The following KCNH5 variants were observed in gnomAD, a reference collection of about 807,000 sequenced individuals.
The protein encoded by KCNH5 is potassium voltage-gated channel subfamily H member 5.
A neutral mutation model predicts 96.1 loss-of-function variants in KCNH5; 46 were observed. The ratio of observed to expected loss-of-function variants is 0.48; its 90% CI spans 0.38 to 0.61. KCNH5 has a LOEUF of 0.61. Among genes scored for constraint, KCNH5 ranks in the 20% least tolerant of loss-of-function variants. KCNH5 has a pLI of 0.00. For missense variants in KCNH5, 907 were observed against 1,225.8 expected, an observed-to-expected ratio of 0.74 and a Z score of 3.88; for synonymous variants, 439 against 449.8, an observed-to-expected ratio of 0.98 and a Z score of 0.30.
In KCNH5 at chr14:62,713,109, T is replaced by C. The variant is rs117357925; in HGVS notation, c.2020-4654A>G. Among the ~76,000 whole-genome samples the C allele has an allele frequency of 4.0e-5, 6 of 151,396 alleles. No homozygotes were observed. The East Asian group carries it at 1.2e-3, about 30-fold the overall frequency. On this transcript the variant is annotated intron_variant, in intron 10 of 10. Transcript: ENST00000322893. ...CTATATCTCTAGTGTCTGTAACATT[T>C]GTAACATTTGTAATAAACAAATGTT...
intron 10 of KCNH5, among the ~76,000 whole-genome samples, chr14:62,752,972 C>T: frequency 6.6e-6 from 1 of 152,108 alleles, no homozygotes; most frequent in East Asian, 1.9e-4. Context: ...TGAAAACAGA[C>T]TAATACAATG....
In KCNH5 at chr14:62,808,752, T is replaced by TA. The variant is rs1886818369; in HGVS notation, c.1570-6172dup. On this transcript the variant is annotated intron_variant, in intron 8 of 10. Transcript: ENST00000322893. ...GTTATTAATAATTATAATTGTTATG[T>TA]AAAACTGTGTATGCCACAGAAGTAA... is the stretch of plus-strand genomic sequence containing the variant. 2.0e-5 allele frequency among the ~76,000 whole-genome samples: 3 copies of TA among 152,260 alleles called. No individual in the cohort carries two copies. The South Asian group carries it at 6.2e-4, about 32-fold the overall frequency.
chr14:62,956,222 A>T (rs1594644415), intron 6 of KCNH5, among the ~76,000 whole-genome samples: 1 of 152,192 alleles, frequency 6.6e-6, no homozygotes, highest in African/African-American at 2.4e-5. Context: ...TTTGCCCCCA[A>T]ACATCATGTT....
intron 8 of KCNH5, among the ~76,000 whole-genome samples, chr14:62,821,033 AC>A (rs1887104080): frequency 6.6e-6 from 1 of 151,618 alleles, no homozygotes; most frequent in Non-Finnish European, 1.5e-5. Flanking sequence ...TCTCTCCACA[AC>A]CTCACCAGCA....
At chr14:62,841,011 T>TTTTTTTTTA in intron 8 of KCNH5, among the ~76,000 whole-genome samples, 2 of 152,174 alleles carry the variant, frequency 1.3e-5, no homozygotes, top group South Asian at 4.1e-4. Flanking sequence ...AAGTGGATTT[T>TTTTTTTTTA]CAGTACTGAA....
At chr14:62,918,597 T>C (rs571372710) in intron 7 of KCNH5, among the ~76,000 whole-genome samples, 1 of 152,216 alleles carries the variant, frequency 6.6e-6, no homozygotes, top group Non-Finnish European at 1.5e-5. Flanking sequence ...TTGCAAAACA[T>C]ACAAATGGTC....
intron 4 of KCNH5, among the ~76,000 whole-genome samples, chr14:62,999,831 T>G (rs1890978721): frequency 6.7e-6 from 1 of 149,972 alleles, no homozygotes; most frequent in South Asian, 2.1e-4. Context: ...ACCTGCACAT[T>G]GTGCACATGT....
intron 10 of KCNH5, among the ~76,000 whole-genome samples, chr14:62,712,951 C>T (rs907193503): frequency 8.5e-5 from 13 of 152,258 alleles, no homozygotes; most frequent in African/African-American, 2.4e-4. Flanking sequence ...AAATACACTA[C>T]CTTTATGGAA....
intron 10 of KCNH5, among the ~76,000 whole-genome samples, 182 bp from the exon 11 acceptor site, chr14:62,708,637 T>C (rs1884497344): frequency 6.6e-6 from 1 of 152,188 alleles, no homozygotes; most frequent in Admixed American, 6.5e-5. Context: ...AATTTATGGA[T>C]GCAATATGGC....
chr14:62,886,501 G>A (rs1039373577), intron 7 of KCNH5, among the ~76,000 whole-genome samples: 3 of 152,158 alleles, frequency 2.0e-5, no homozygotes, highest in Non-Finnish European at 4.4e-5. Context: ...CAGGAGTGGG[G>A]TGTGCATGTG....
At chr14:62,870,489 A>G (rs1427679094) in intron 7 of KCNH5, among the ~76,000 whole-genome samples, 2 of 152,218 alleles carry the variant, frequency 1.3e-5, no homozygotes, top group Non-Finnish European at 2.9e-5. Flanking sequence ...AGGAAAGTCA[A>G]GTCCTCTGAG....
intron 10 of KCNH5, among the ~76,000 whole-genome samples, chr14:62,772,150 A>G (rs1446897824): frequency 6.6e-6 from 1 of 152,138 alleles, no homozygotes; most frequent in Admixed American, 6.5e-5. Flanking sequence ...AACAAGTCTC[A>G]GATTTTTCCA....
chr14:62,855,418 T>C (rs907707036), intron 7 of KCNH5, among the ~76,000 whole-genome samples: 1 of 152,224 alleles, frequency 6.6e-6, no homozygotes, highest in Non-Finnish European at 1.5e-5. Context: ...GTCAACTAAG[T>C]AGTTTTCAGG....
intron 10 of KCNH5, among the ~76,000 whole-genome samples, chr14:62,723,251 T>C (rs927105808): frequency 3.3e-5 from 5 of 152,236 alleles, no homozygotes; most frequent in African/African-American, 9.6e-5. Context: ...AAGAATAATG[T>C]AATTTTCACT....
chr14:62,745,822 A>C (rs2139939440), intron 10 of KCNH5, among the ~76,000 whole-genome samples: 1 of 152,332 alleles, frequency 6.6e-6, no homozygotes. Context: ...GGACCACTTG[A>C]TACAGCCCTG....
In KCNH5 at chr14:62,867,905, C is replaced by T. The variant is rs986181525; in HGVS notation, c.1370-18053G>A. Among the ~76,000 whole-genome samples the T allele has an allele frequency of 5.8e-4, 89 of 152,274 alleles. 1 individual carries two copies. The highest frequency in any genetic ancestry group is 1.5e-3 in the Admixed American group (23 of 15,296). ...AAATGTCACCGTCTAAAACAGAAAC[C>T]CCCTTATGCCATGCACATAACCTGC... is the stretch of plus-strand genomic sequence containing the variant. On this transcript the variant is annotated intron_variant, in intron 7 of 10. Transcript: ENST00000322893.
intron 7 of KCNH5, among the ~76,000 whole-genome samples, chr14:62,921,824 G>C (rs1454668553): frequency 7.2e-5 from 11 of 152,092 alleles, no homozygotes; most frequent in Admixed American, 6.6e-4. Context: ...TTATCTAACA[G>C]CCTTGTGGAG....
At position 62,700,356 on chromosome 14, in the gene KCNH5, T is replaced by C. The variant is rs921643074; in HGVS notation, c.*7152A>G. On this transcript the variant is annotated 3_prime_UTR_variant, in exon 11 of 11. Transcript: ENST00000322893. ...ATCTGTTCCTAATATGAAATGCATATTCCCCCTTGCTTTATTAACTGTGAA... is the reference window on the plus strand; with the variant it reads ...ATCTGTTCCTAATATGAAATGCATACTCCCCCTTGCTTTATTAACTGTGAA... 3 of 152,184 alleles carry C rather than the reference T, an allele frequency of 2.0e-5. No homozygotes were observed. The highest frequency in any genetic ancestry group is 2.0e-4 in the Admixed American group (3 of 15,276). 9.4% of individuals were successfully genotyped at this position (152,184 alleles called of 1,614,324 possible).
chr14:62,756,082 A>G (rs1465853000), intron 10 of KCNH5, among the ~76,000 whole-genome samples: 16 of 152,152 alleles, frequency 1.1e-4, no homozygotes, highest in Non-Finnish European at 2.9e-5. Flanking sequence ...AAACTATTAG[A>G]ACTGAAAAAC....
Sources: gnomAD v4.1 joint callset for allele counts (sites outside exome capture counted in the v4.1 genomes callset) on GRCh38, gnomAD v4.1.1 for gene constraint, MANE v1.5 for transcripts, NCBI Gene and HGNC (gene_info 2026-07-23, HGNC 2026-07-21) for gene names.